The following SASH1 variants were observed in gnomAD, a reference collection of about 807,000 sequenced individuals.
The protein encoded by SASH1 is SAM and SH3 domain-containing protein 1.
SASH1 carries 44 observed loss-of-function variants against 125.2 expected under a neutral mutation model. That is an observed-to-expected ratio of 0.35 (90% confidence interval 0.28 to 0.45). SASH1 has a LOEUF of 0.45. SASH1 is among the 20% of genes least tolerant of loss of function. SASH1 has a pLI of 1.00. For synonymous variants in SASH1, 639 were observed against 649.1 expected, an observed-to-expected ratio of 0.98 and a Z score of 0.24; for missense variants, 1,426 against 1,614.5, an observed-to-expected ratio of 0.88 and a Z score of 2.00.
In SASH1 at chr6:148,343,131, G is replaced by C. The variant is rs756740212; in HGVS notation, c.64G>C (p.Glu22Gln). Reference protein sequence around the residue: ...EPEPEPEPEPEPAPEPEPEPK... With the variant: ...EPEPEPEPEPQPAPEPEPEPK... ...TGAGCCCGAGCCCGAGCCGGAGCCC[G>C]AGCCCGCGCCGGAGCCGGAACCGGA... The change falls in exon 1 of 20, where the codon GAG becomes CAG. Residue 22 changes from glutamate (E) to glutamine (Q), a missense_variant. Transcript: ENST00000367467. The C allele has an allele frequency of 3.1e-6, 5 of 1,596,518 alleles. No individual in the cohort carries two copies. The highest frequency in any genetic ancestry group is 4.2e-6 in the Non-Finnish European group (5 of 1,178,062).
intron 1 of SASH1, among the ~76,000 whole-genome samples, chr6:148,383,270 C>A (rs1783224881): frequency 6.6e-6 from 1 of 151,962 alleles, no homozygotes; most frequent in Non-Finnish European, 1.5e-5. Flanking sequence ...GGAAGTCATT[C>A]AAAAAATCAG....
At chr6:148,397,053 G>A (rs1212457591) in intron 2 of SASH1, among the ~76,000 whole-genome samples, 2 of 152,034 alleles carry the variant, frequency 1.3e-5, no homozygotes, top group Non-Finnish European at 2.9e-5. Flanking sequence ...TTTTATGTTG[G>A]AAATGTGAAC....
intron 2 of SASH1, among the ~76,000 whole-genome samples, chr6:148,391,581 A>T: frequency 6.6e-6 from 1 of 152,154 alleles, no homozygotes; most frequent in African/African-American, 2.4e-5. Context: ...CCTCTCACTC[A>T]GGTGCATTGA....
At chr6:148,216,865 G>A in the SASH1 span, among the ~76,000 whole-genome samples, 14 of 152,178 alleles carry the variant, frequency 9.2e-5, no homozygotes, top group Middle Eastern at 3.4e-3. Context: ...CGAGTAGCTG[G>A]AATTACAGGT....
the SASH1 span, among the ~76,000 whole-genome samples, chr6:148,257,792 A>T: frequency 6.6e-6 from 1 of 151,876 alleles, no homozygotes; most frequent in African/African-American, 2.4e-5. Flanking sequence ...CACCACGCCC[A>T]GCTAATTTTT....
At chr6:148,511,712 A>C (rs1405159837) in intron 8 of SASH1, among the ~76,000 whole-genome samples, 1 of 152,226 alleles carries the variant, frequency 6.6e-6, no homozygotes, top group African/African-American at 2.4e-5. Context: ...TGAGGAAGGC[A>C]TTGCCTTTAA....
intron 1 of SASH1, among the ~76,000 whole-genome samples, chr6:148,326,043 T>C (rs1780785691): frequency 6.6e-6 from 1 of 150,870 alleles, no homozygotes; most frequent in South Asian, 2.1e-4. Context: ...ACTTTTTTTT[T>C]TTTTGAGACA....
intron 2 of SASH1, among the ~76,000 whole-genome samples, chr6:148,392,355 T>C (rs2073278417): frequency 6.6e-6 from 1 of 151,094 alleles, no homozygotes. Flanking sequence ...TCCTCCCACC[T>C]CCTGTTTATC....
At chr6:148,340,461 C>T (rs1386614128), upstream of SASH1, among the ~76,000 whole-genome samples, 4 of 145,816 alleles carry the variant, frequency 2.7e-5, no homozygotes, top group East Asian at 4.0e-4. Context: ...CCAGCCTGGG[C>T]GACAGGGTGA....
chr6:148,440,127 T>G (rs1776481503), intron 2 of SASH1, 57 bp from the exon 3 acceptor site: 1 of 1,534,028 alleles, frequency 6.5e-7, no homozygotes, highest in East Asian at 2.2e-5. Flanking sequence ...TCTATTTGTC[T>G]TTCTCGCGTG....
At chr6:148,265,420 T>C in the SASH1 span, among the ~76,000 whole-genome samples, 1 of 152,142 alleles carries the variant, frequency 6.6e-6, no homozygotes, top group Non-Finnish European at 1.5e-5. Context: ...GAAATTCTGT[T>C]CTTTTACATC....
intron 2 of SASH1, among the ~76,000 whole-genome samples, chr6:148,410,918 G>T (rs1583109318): frequency 1.3e-5 from 2 of 152,102 alleles, no homozygotes. Context: ...CCAGCACTTT[G>T]GGGGGCTGAG....
intron 1 of SASH1, among the ~76,000 whole-genome samples, chr6:148,274,907 G>A (rs1465996209): frequency 6.6e-6 from 1 of 152,040 alleles, no homozygotes; most frequent in Non-Finnish European, 1.5e-5. Flanking sequence ...TTCATTTAGG[G>A]CAATATCCTC....
intron 1 of SASH1, among the ~76,000 whole-genome samples, chr6:148,289,477 TCAGAGGAAGGTCTG>T (rs1377494303): frequency 6.6e-6 from 1 of 152,250 alleles, no homozygotes; most frequent in African/African-American, 2.4e-5. Context: ...AGTGAAGTGG[TCAGAGGAAGGTCTG>T]CCCCTTACGC....
At chr6:148,327,287 CTT>C (rs757257278) in intron 1 of SASH1, among the ~76,000 whole-genome samples, 21 of 140,844 alleles carry the variant, frequency 1.5e-4, no homozygotes, top group Admixed American at 2.1e-4. Context: ...ATATAAATTT[CTT>C]TTTTTTTTTT....
At chr6:148,480,824 GA>G (rs1258523908) in intron 7 of SASH1, 1 of 152,172 alleles carries the variant, frequency 6.6e-6, no homozygotes, top group African/African-American at 2.4e-5. Context: ...CACTGGAAAA[GA>G]ATGAAATTTA....
chr6:148,240,573 T>C, the SASH1 span, among the ~76,000 whole-genome samples: 3 of 152,028 alleles, frequency 2.0e-5, no homozygotes, highest in Non-Finnish European at 4.4e-5. Context: ...ATTTTCAGAG[T>C]TTGGGCTGCC....
chr6:148,544,335 C>T lies in SASH1; in HGVS notation c.2865C>T (p.His955=), dbSNP rs141682261. Residue 955 remains histidine (H), a synonymous_variant, in exon 18 of 20, where the codon CAC becomes CAT. Transcript: ENST00000367467. The surrounding 1 kb of genome is among the most constrained non-coding windows in gnomAD (Gnocchi z 6.4). ...RTPLEGHRKG[H]EFEGTHHPLG... ...CTCTGGAGGGCCACAGAAAAGGACA[C>T]GAGTTTGAAGGAACACACCATCCCC... 3.3e-4 allele frequency: 531 copies of T among 1,614,016 alleles called. 1 individual carries two copies. Among genetic ancestry groups the T allele is most frequent in the Non-Finnish European group, 4.2e-4 (492 of 1,180,048 alleles).
intron 2 of SASH1, among the ~76,000 whole-genome samples, chr6:148,429,385 TAAAAAAAAAAA>T (rs61460366): frequency 8.1e-5 from 6 of 73,938 alleles, no homozygotes; most frequent in Admixed American, 2.0e-4. Flanking sequence ...CCCTGTCTCT[TAAAAAAAAAAA>T]AAAAAAAAAA....
Sources: gnomAD v4.1 joint callset for allele counts (sites outside exome capture counted in the v4.1 genomes callset) on GRCh38, gnomAD v4.1.1 for gene constraint, Gnocchi (gnomAD v3.1) non-coding constraint, MANE v1.5 for transcripts, NCBI Gene and HGNC (gene_info 2026-07-23, HGNC 2026-07-21) for gene names.